The following OSBPL10 variants were observed in gnomAD, a reference collection of about 807,000 sequenced individuals.
OSBPL10 encodes oxysterol-binding protein-related protein 10.
A neutral mutation model predicts 81.7 loss-of-function variants in OSBPL10; 49 were observed. The ratio of observed to expected loss-of-function variants is 0.60; its 90% CI spans 0.48 to 0.76. OSBPL10 has a LOEUF of 0.76. OSBPL10 is among the 30% of genes least tolerant of loss of function. The pLI is 0.00. For missense variants in OSBPL10, 923 were observed against 987.8 expected (o/e 0.93, Z 0.88); for synonymous variants, 419 against 383.6 (o/e 1.09, Z -1.08).
intron 3 of OSBPL10, among the ~76,000 whole-genome samples, chr3:31,839,760 G>C (rs953926126): frequency 9.3e-5 from 14 of 151,202 alleles, no homozygotes; most frequent in African/African-American, 3.4e-4. Context: ...AGAGCAATAT[G>C]GAGTTGAGGT....
chr3:31,822,397 A>G (rs1357780676), intron 4 of OSBPL10, among the ~76,000 whole-genome samples: 1 of 152,210 alleles, frequency 6.6e-6, no homozygotes, highest in African/African-American at 2.4e-5. Flanking sequence ...CATGCTACGA[A>G]TCCAAAGCCT....
At chr3:31,838,472 C>T (rs62243011) in intron 3 of OSBPL10, among the ~76,000 whole-genome samples, 1 of 134,036 alleles carries the variant, frequency 7.5e-6, no homozygotes, top group Non-Finnish European at 1.5e-5. Flanking sequence ...GATCACGAGA[C>T]GGCACTCCAG....
chr3:31,872,938 G>GT (rs1424632115), intron 3 of OSBPL10, among the ~76,000 whole-genome samples: 1 of 152,100 alleles, frequency 6.6e-6, no homozygotes, highest in Non-Finnish European at 1.5e-5. Flanking sequence ...AAACTTTTTT[G>GT]TAAGTAACAG....
Position 31,767,321 on chromosome 3 carries a change from G to A in OSBPL10, c.730-19201C>T, listed in dbSNP as rs75891086. On this transcript the variant is annotated intron_variant, in intron 4 of 11. Transcript: ENST00000396556. The stretch of plus-strand genomic sequence containing the variant: ...AGAAAAAAACTCAACTGTGGTCCCT[G>A]CAATAACCACTTGGAAAGTACAGGA... Among the ~76,000 whole-genome samples, 329 of 152,262 alleles carry A rather than the reference G, an allele frequency of 2.2e-3. 1 individual carries two copies. Among genetic ancestry groups the A allele is most frequent in the African/African-American group, 7.7e-3 (319 of 41,560 alleles).
intron 3 of OSBPL10, among the ~76,000 whole-genome samples, chr3:31,867,442 A>C (rs1038950457): frequency 1.3e-5 from 2 of 152,156 alleles, no homozygotes; most frequent in African/African-American, 4.8e-5. Flanking sequence ...ACTTGGAGCT[A>C]ATCAAGAACA....
intron 1 of OSBPL10, among the ~76,000 whole-genome samples, chr3:31,946,571 G>C (rs796340558): frequency 2.0e-5 from 3 of 152,308 alleles, no homozygotes; most frequent in African/African-American, 7.2e-5. Context: ...TGTGAACAGA[G>C]CAATTGCGGG....
chr3:31,735,308 C>T (rs1697116777), intron 5 of OSBPL10, among the ~76,000 whole-genome samples: 1 of 152,138 alleles, frequency 6.6e-6, no homozygotes, highest in East Asian at 1.9e-4. Flanking sequence ...GGCATGGTGA[C>T]ATGCACCTAT....
intron 1 of OSBPL10, among the ~76,000 whole-genome samples, chr3:31,915,860 G>A (rs1286847218): frequency 6.6e-6 from 1 of 152,120 alleles, no homozygotes; most frequent in Non-Finnish European, 1.5e-5. Flanking sequence ...TTGGGAGGAC[G>A]AGGTGGGCAG....
intron 1 of OSBPL10, among the ~76,000 whole-genome samples, chr3:32,061,988 T>C (rs1421978983): frequency 1.1e-5 from 1 of 93,640 alleles, no homozygotes; most frequent in Admixed American, 1.3e-4. Context: ...TTTCCAACCA[T>C]GGTTGGTTGA....
At chr3:31,712,788 C>T (rs1268070250) in intron 6 of OSBPL10, among the ~76,000 whole-genome samples, 1 of 152,248 alleles carries the variant, frequency 6.6e-6, no homozygotes, top group Non-Finnish European at 1.5e-5. Flanking sequence ...TAATGGCCAT[C>T]TCAGACTTAC....
intron 1 of OSBPL10, among the ~76,000 whole-genome samples, chr3:31,968,260 GA>G (rs57204442): frequency 0.32 from 48,085 of 150,300 alleles, 8,835 homozygotes; most frequent in African/African-American, 0.49. Context: ...GTCATTTATA[GA>G]AAAAAAAATC....
intron 2 of OSBPL10, among the ~76,000 whole-genome samples, chr3:31,878,815 A>ATATGTGTG (rs546065292): frequency 3.7e-5 from 5 of 136,352 alleles, no homozygotes; most frequent in African/African-American, 1.4e-4. Context: ...CTGCGTGTCC[A>ATATGTGTG]TGTGTGTGTG....
intron 2 of OSBPL10, among the ~76,000 whole-genome samples, chr3:32,006,545 G>A (rs1233663840): frequency 6.6e-6 from 1 of 152,158 alleles, no homozygotes; most frequent in African/African-American, 2.4e-5. Context: ...CCCCCAAAAA[G>A]ATACTCTTCC....
At chr3:31,747,501 A>C (rs1459069157) in intron 5 of OSBPL10, among the ~76,000 whole-genome samples, 1 of 151,332 alleles carries the variant, frequency 6.6e-6, no homozygotes, top group East Asian at 1.9e-4. Context: ...AAAAAAAAAA[A>C]AAAAAAAAAC....
chr3:31,814,038 AC>A (rs1013362859), intron 4 of OSBPL10, among the ~76,000 whole-genome samples: 35 of 152,258 alleles, frequency 2.3e-4, no homozygotes, highest in African/African-American at 8.2e-4. Context: ...CTGTCCACCA[AC>A]CTATCCTTAC....
intron 4 of OSBPL10, among the ~76,000 whole-genome samples, chr3:31,809,533 C>T (rs1699616913): frequency 6.6e-6 from 1 of 152,126 alleles, no homozygotes; most frequent in Non-Finnish European, 1.5e-5. Flanking sequence ...AATAAAAGTG[C>T]CAGTAGGGTG....
intron 1 of OSBPL10, among the ~76,000 whole-genome samples, chr3:31,893,633 T>C (rs1439256368): frequency 6.6e-6 from 1 of 152,172 alleles, no homozygotes; most frequent in Non-Finnish European, 1.5e-5. Flanking sequence ...ATAATTTAAA[T>C]GTTAACTGGT....
At chr3:31,875,320 C>T (rs1217364301) in intron 3 of OSBPL10, among the ~76,000 whole-genome samples, 1 of 151,918 alleles carries the variant, frequency 6.6e-6, no homozygotes, top group Admixed American at 6.6e-5. Flanking sequence ...AAAGTAAAGA[C>T]ACATATAAAA....
intron 7 of OSBPL10, among the ~76,000 whole-genome samples, chr3:31,697,839 T>C (rs1239221694): frequency 6.6e-6 from 1 of 152,086 alleles, no homozygotes; most frequent in Non-Finnish European, 1.5e-5. Context: ...CTCAGCTCAC[T>C]GCAACCTCCG....
Sources: allele counts gnomAD v4.1 joint callset (sites outside exome capture counted in the v4.1 genomes callset), GRCh38; gene constraint gnomAD v4.1.1; transcripts MANE v1.5; gene names NCBI Gene and HGNC (gene_info 2026-07-23, HGNC 2026-07-21).